Variants in NYAP2 observed in about 807,000 individuals in gnomAD.
NYAP2 encodes neuronal tyrosine-phosphorylated phosphoinositide-3-kinase adapter 2.
In NYAP2, 23 loss-of-function variants were observed where a neutral mutation model predicts 50.4. The observed-to-expected ratio is 0.46, with a 90% CI of 0.33 to 0.65. The LOEUF (loss-of-function observed/expected upper bound fraction) is 0.65. NYAP2 is among the 30% of genes least tolerant of loss of function. The pLI is 0.02. For synonymous variants in NYAP2, 394 were observed against 365.2 expected, an observed-to-expected ratio of 1.08 and a Z score of -0.90; for missense variants, 885 against 861.0, an observed-to-expected ratio of 1.03 and a Z score of -0.35.
intron 3 of NYAP2, among the ~76,000 whole-genome samples, chr2:225,503,274 C>CTG: frequency 6.6e-6 from 1 of 152,316 alleles, no homozygotes; most frequent in South Asian, 2.1e-4. Context: ...ATGTGAACTT[C>CTG]TGTAAACTGT....
chr2:225,654,684 A>G (rs1341972419), downstream of NYAP2, among the ~76,000 whole-genome samples: 2 of 152,158 alleles, frequency 1.3e-5, no homozygotes, highest in African/African-American at 4.8e-5. Context: ...ACTCCATCTC[A>G]AAAAAATAAA....
At chr2:225,405,090 C>T (rs1168378755) in intron 2 of NYAP2, among the ~76,000 whole-genome samples, 2 of 151,946 alleles carry the variant, frequency 1.3e-5, no homozygotes, top group Non-Finnish European at 2.9e-5. Flanking sequence ...GCTCAGGGAG[C>T]AGGGAAGGGG....
intron 3 of NYAP2, among the ~76,000 whole-genome samples, chr2:225,430,582 C>A (rs571892129): frequency 4.6e-5 from 7 of 152,174 alleles, no homozygotes; most frequent in Non-Finnish European, 8.8e-5. Context: ...TTAACTCACA[C>A]CCCACCACAC....
chr2:225,669,501 T>C, the NYAP2 span, among the ~76,000 whole-genome samples: 1 of 152,138 alleles, frequency 6.6e-6, no homozygotes, highest in Admixed American at 6.6e-5. Flanking sequence ...ACTGGCAGCT[T>C]ACATTTTCAA....
At position 225,582,188 on chromosome 2, in the gene NYAP2, G is replaced by A. The variant is rs1172373649; in HGVS notation, c.771G>A (p.Arg257=). The A allele has an allele frequency of 3.1e-6, 5 of 1,613,920 alleles. No individual in the cohort carries two copies. Among genetic ancestry groups the A allele is most frequent in the African/African-American group, 2.7e-5 (2 of 74,954 alleles). ...TGGGGAACATTCTCAGAGACTTCAG[G>A]AAGGAGGACGATGACCAGAGCGAGG... Residue 257 remains arginine, a synonymous_variant, in exon 5 of 7, where the codon AGG becomes AGA. Coordinates refer to ENST00000636099, the Ensembl canonical transcript of NYAP2. This position sits in a 1 kb window ranked among gnomAD's most constrained non-coding sequence, Gnocchi z 7.0.
the NYAP2 span, among the ~76,000 whole-genome samples, chr2:225,673,895 A>G: frequency 1.3e-5 from 2 of 152,152 alleles, no homozygotes; most frequent in Admixed American, 1.3e-4. Flanking sequence ...CTCACTACCA[A>G]CAGTCCTCTG....
At chr2:225,565,415 A>C (rs1356833772) in intron 4 of NYAP2, among the ~76,000 whole-genome samples, 1 of 152,198 alleles carries the variant, frequency 6.6e-6, no homozygotes, top group Non-Finnish European at 1.5e-5. Flanking sequence ...TATAAACCTA[A>C]TGCAGAAGGA....
At chr2:225,693,422 T>C in the NYAP2 span, among the ~76,000 whole-genome samples, 1 of 152,050 alleles carries the variant, frequency 6.6e-6, no homozygotes, top group Non-Finnish European at 1.5e-5. Context: ...CAAGGATACA[T>C]ACTGCCAGTA....
chr2:225,639,516 G>A (rs988021402), intron 6 of NYAP2, among the ~76,000 whole-genome samples: 8 of 152,054 alleles, frequency 5.3e-5, no homozygotes, highest in Middle Eastern at 3.4e-3. Flanking sequence ...GAGAAATCAA[G>A]TCAATTGCCC....
chr2:225,499,833 A>G (rs1011976903), intron 3 of NYAP2, among the ~76,000 whole-genome samples: 6 of 152,206 alleles, frequency 3.9e-5, no homozygotes, highest in African/African-American at 7.2e-5. Flanking sequence ...TAAACGAATG[A>G]GAGACAAGAA....
chr2:225,509,772 C>T lies in NYAP2; in HGVS notation c.222-3599C>T, dbSNP rs114094251. On this transcript the variant is annotated intron_variant, in intron 3 of 6. Coordinates refer to ENST00000636099, the Ensembl canonical transcript of NYAP2. ...AGTGCTCAATGGTTCATTGTTGTCT[C>T]GTCAATTAACTTCATTCCTCATGGC... 5.7e-3 allele frequency among the ~76,000 whole-genome samples: 865 copies of T among 152,274 alleles called. 8 individuals are homozygous for T. Among genetic ancestry groups the T allele is most frequent in the African/African-American group, 0.019 (808 of 41,564 alleles).
At chr2:225,481,469 T>C (rs1690205328) in intron 3 of NYAP2, among the ~76,000 whole-genome samples, 3 of 152,162 alleles carry the variant, frequency 2.0e-5, no homozygotes. Flanking sequence ...AGTTTGAACA[T>C]AAAACATATT....
rs770815459 is a variant in NYAP2, at chr2:225,582,342, G to C, written c.925G>C (p.Ala309Pro). ...GGTGCCTGACTTGGACTTCGCCAAGGCCTCAGTGCCATGCCCCCCCAAGGG... is the reference window on the plus strand; with the variant it reads ...GGTGCCTGACTTGGACTTCGCCAAGCCCTCAGTGCCATGCCCCCCCAAGGG... The change falls in exon 5 of 7, where the codon GCC becomes CCC. Residue 309 changes from alanine to proline, a missense_variant. By Grantham distance (27) the Ala-to-Pro change is conservative. Coordinates refer to ENST00000636099, the Ensembl canonical transcript of NYAP2. The surrounding 1 kb of genome is among the most constrained non-coding windows in gnomAD (Gnocchi z 7.0). 12 of 1,613,726 alleles carry C rather than the reference G, an allele frequency of 7.4e-6. No homozygotes were observed. The East Asian group carries it at 2.5e-4, about 33-fold the overall frequency.
rs201552006 is a variant in NYAP2, at chr2:225,449,601, CTTTTTT to C, written c.221+40520_221+40525del. Reference sequence around the variant, plus strand: ...ACCAGATCTCTCTCTCTCTCTTTCTCTTTTTTTTTTTTTTTTTTTTTTTTTGAGACA... The same window carrying C: ...ACCAGATCTCTCTCTCTCTCTTTCTCTTTTTTTTTTTTTTTTTTTGAGACA... On this transcript the variant is annotated intron_variant, in intron 3 of 6. Transcript: ENST00000636099. 5.9e-3 allele frequency among the ~76,000 whole-genome samples: 573 copies of C among 96,314 alleles called. 5 individuals carry two copies. Among genetic ancestry groups the C allele is most frequent in the African/African-American group, 0.024 (537 of 22,826 alleles). The allele number at this position is 96,314 out of a possible 152,430, so 63.2% of individuals were successfully genotyped here.
the NYAP2 span, among the ~76,000 whole-genome samples, chr2:225,686,687 G>A: frequency 6.6e-6 from 1 of 152,096 alleles, no homozygotes; most frequent in Non-Finnish European, 1.5e-5. Flanking sequence ...TGTATTTTCA[G>A]TACACAAGTA....
chr2:225,453,761 A>G (rs1346798281), intron 3 of NYAP2, among the ~76,000 whole-genome samples: 1 of 151,494 alleles, frequency 6.6e-6, no homozygotes, highest in East Asian at 1.9e-4. Flanking sequence ...TCTGCCTCCC[A>G]AATTTGAGCA....
chr2:225,428,000 C>T (rs1008747365), intron 3 of NYAP2, among the ~76,000 whole-genome samples: 3 of 152,148 alleles, frequency 2.0e-5, no homozygotes, highest in Non-Finnish European at 2.9e-5. Context: ...ACTTCTCTCT[C>T]TGGTTAAGCT....
At chr2:225,464,157 C>T (rs1023115461) in intron 3 of NYAP2, among the ~76,000 whole-genome samples, 6 of 152,054 alleles carry the variant, frequency 3.9e-5, no homozygotes, top group African/African-American at 7.2e-5. Context: ...AAACAGAGAC[C>T]GATTGAGGCA....
chr2:225,522,704 T>C lies in NYAP2; in HGVS notation c.523+9032T>C, dbSNP rs558775774. On this transcript the variant is annotated intron_variant, in intron 4 of 6. Coordinates refer to ENST00000636099, the Ensembl canonical transcript of NYAP2. Reference sequence around the variant, plus strand: ...ACACAAATGGTCCTTTCTTTCTTGTTGCTTACAAACAGTTTTGGTTCTACT... The same window carrying C: ...ACACAAATGGTCCTTTCTTTCTTGTCGCTTACAAACAGTTTTGGTTCTACT... Among the ~76,000 whole-genome samples, 4 of 152,264 alleles carry C rather than the reference T, an allele frequency of 2.6e-5. No individual in the cohort carries two copies. In the East Asian group the frequency reaches 7.7e-4, roughly 29 times the overall value.
Sources: allele counts gnomAD v4.1 joint callset (sites outside exome capture counted in the v4.1 genomes callset), GRCh38; gene constraint gnomAD v4.1.1; non-coding constraint Gnocchi (gnomAD v3.1); transcripts MANE v1.5; gene names NCBI Gene and HGNC (gene_info 2026-07-23, HGNC 2026-07-21).